The following HMCN2 variants were observed in gnomAD, a reference collection of about 807,000 sequenced individuals.
The protein encoded by HMCN2 is hemicentin 2, also known as hemicentin-2.
HMCN2 carries 325 observed loss-of-function variants against 377.5 expected under a neutral mutation model. The ratio of observed to expected loss-of-function variants is 0.86; its 90% confidence interval spans 0.79 to 0.94. HMCN2 has a LOEUF of 0.94. HMCN2 is among the 40% of genes least tolerant of loss of function. The pLI, the probability that HMCN2 is intolerant of heterozygous loss-of-function variation, is 0.00. For missense variants in HMCN2, 4,543 were observed against 4,725.3 expected (o/e 0.96, Z 1.13); for synonymous variants, 2,007 against 2,046.8 (o/e 0.98, Z 0.53).
chr9:130,410,719 G>A, intron 85 of HMCN2, 67 bp downstream of exon 85: 1 of 1,340,304 alleles, frequency 7.5e-7, no homozygotes, highest in Non-Finnish European at 1.0e-6. Context: ...GGCGTGTGCA[G>A]CCTAGAGGGC....
rs773284541 is a variant in HMCN2 at position 130,429,565 on chromosome 9, G to A, written c.14206G>A (p.Glu4736Lys). The change falls in exon 94 of 98, where the codon GAA becomes AAA. Residue 4736 changes from glutamate to lysine, a missense_variant. By Grantham distance (56) the Glu-to-Lys change is moderately conservative. This residue lies in a region of HMCN2 where 1,155 missense variants were observed against 1,157.7 expected (regional missense o/e 1.00). Transcript: ENST00000683500. The part of the protein sequence containing the change: ...ADGAGCEDVD[E>K]CLEGLDDCHY... ...ATGCCCCTGCCTCCCAGATGTGGAC[G>A]AATGCCTGGAGGGGTTGGACGACTG... The A allele has an allele frequency of 9.0e-6, 14 of 1,550,364 alleles. No homozygotes were observed. Among genetic ancestry groups the A allele is most frequent in the African/African-American group, 8.2e-5 (6 of 73,046 alleles).
At chr9:130,358,604 C>T (rs754290745) in intron 36 of HMCN2, 118 bp downstream of exon 36, 18 of 884,722 alleles carry the variant, frequency 2.0e-5, no homozygotes, top group Non-Finnish European at 2.9e-5. Flanking sequence ...CATAGTTGTG[C>T]ACTTAACTTC....
chr9:130,433,579 C>T lies in HMCN2; in HGVS notation c.15126C>T (p.Tyr5042=). The T allele has an allele frequency of 1.3e-6, 2 of 1,508,158 alleles. No individual in the cohort carries two copies. Among genetic ancestry groups the T allele is most frequent in the East Asian group, 2.7e-5 (1 of 36,472 alleles). The allele number at this position is 1,508,158 out of a possible 1,614,324, so 93.4% of individuals were successfully genotyped here. The change falls in exon 98 of 98, where the codon TAC becomes TAT. Residue 5042 remains tyrosine, a synonymous_variant. Coordinates refer to ENST00000683500, the MANE Select transcript of HMCN2 (RefSeq NM_001291815.2). ...RPLRAGLGAV[Y]TRRALTRAGL... is the part of the protein sequence containing the mutation. Reference sequence around the variant, plus strand: ...TGCGCGCGGGCCTTGGCGCGGTCTACACCCGTCGCGCGCTCACCCGCGCCG... The same window carrying T: ...TGCGCGCGGGCCTTGGCGCGGTCTATACCCGTCGCGCGCTCACCCGCGCCG...
chr9:130,327,926 G>T (rs918742801), intron 22 of HMCN2, among the ~76,000 whole-genome samples: 34 of 152,248 alleles, frequency 2.2e-4, no homozygotes, highest in South Asian at 1.7e-3. Context: ...AGCTGCTCCC[G>T]GTCCGGGATC....
intron 85 of HMCN2, among the ~76,000 whole-genome samples, chr9:130,417,356 T>C (rs1430546393): frequency 6.6e-6 from 1 of 151,380 alleles, no homozygotes; most frequent in Non-Finnish European, 1.5e-5. Context: ...ACCCCGTCTC[T>C]ACCAAAAATA....
intron 4 of HMCN2, 92 bp from the exon 5 acceptor site, chr9:130,294,763 G>T (rs1554931309): frequency 2.9e-6 from 1 of 345,242 alleles, no homozygotes; most frequent in South Asian, 2.2e-5. Context: ...GGCCTTGGGC[G>T]ACCTGGAAAG....
rs978383384 is a variant in HMCN2 at position 130,312,907 on chromosome 9, G to T, written c.2350+2846G>T. On this transcript the variant is annotated intron_variant, in intron 15 of 97. Coordinates refer to ENST00000683500, the MANE Select transcript of HMCN2 (RefSeq NM_001291815.2). ...ACTCCTGACCTCAGGTGATCTACCC[G>T]CCTCGGCCTCCCAAAGTGCTGGGAT... Among the ~76,000 whole-genome samples the T allele has an allele frequency of 3.9e-4, 60 of 151,940 alleles. 1 individual carries two copies. The highest frequency in any genetic ancestry group is 2.1e-4 in the South Asian group (1 of 4,818).
At chr9:130,395,140 C>CTGGCCG (rs1842544718) in intron 70 of HMCN2, 32 bp downstream of exon 70, 8 of 270,928 alleles carry the variant, frequency 3.0e-5, no homozygotes, top group Non-Finnish European at 4.4e-5. Flanking sequence ...GGGGCAGGGC[C>CTGGCCG]GGGAGGCAGG....
intron 71 of HMCN2, 69 bp from the exon 72 acceptor site, chr9:130,395,855 T>G: frequency 4.9e-6 from 6 of 1,231,710 alleles, no homozygotes; most frequent in Non-Finnish European, 6.3e-6. Flanking sequence ...GTCTTCCACA[T>G]CTGCTGCCGG....
chr9:130,384,556 G>T lies in HMCN2; in HGVS notation c.8992+22G>T, dbSNP rs1430042638. The stretch of plus-strand genomic sequence containing the variant: ...CCTGGTGGGTAAACTGAGGTGTCCG[G>T]CCCAGCTCTAAGGTTACATGGGGAG... On this transcript the variant is annotated intron_variant, in intron 58 of 97. Transcript: ENST00000683500. 5 of 1,304,088 alleles carry T rather than the reference G, an allele frequency of 3.8e-6. No individual in the cohort carries two copies. In the Admixed American group the frequency reaches 1.1e-4, roughly 30 times the overall value. The allele number at this position is 1,304,088 out of a possible 1,614,324, so 80.8% of individuals were successfully genotyped here.
chr9:130,266,228 C>A, intron 1 of HMCN2, 91 bp downstream of exon 1: 1 of 370,310 alleles, frequency 2.7e-6, no homozygotes, highest in Admixed American at 3.4e-5. Context: ...CGCACCTGGA[C>A]GTCGTGGGCT....
At chr9:130,379,795 C>T (rs553844665) in intron 54 of HMCN2, among the ~76,000 whole-genome samples, 2 of 152,230 alleles carry the variant, frequency 1.3e-5, no homozygotes, top group African/African-American at 2.4e-5. Flanking sequence ...CAAACGCTGA[C>T]GAAGCTCTAG....
Position 130,428,336 on chromosome 9 carries a change from G to C in HMCN2, c.14066-22G>C. ...GCCTGGGGATCATGTTCACACAGCC[G>C]TCTGCCCTGATCTGCCCCCAGATGT... On this transcript the variant is annotated intron_variant, in intron 92 of 97. Transcript: ENST00000683500. The surrounding 1 kb of genome is among the most constrained non-coding windows in gnomAD (Gnocchi z 5.0). 6.5e-7 allele frequency: 1 copy of C among 1,531,830 alleles called. No individual in the cohort carries two copies. Among genetic ancestry groups the C allele is most frequent in the Non-Finnish European group, 8.8e-7 (1 of 1,137,054 alleles). 94.9% of individuals were successfully genotyped at this position (1,531,830 alleles called of 1,614,324 possible).
At chr9:130,381,269 C>T (rs565247053) in intron 54 of HMCN2, among the ~76,000 whole-genome samples, 7 of 152,312 alleles carry the variant, frequency 4.6e-5, no homozygotes, top group East Asian at 1.9e-4. Context: ...CAGCCCGGGC[C>T]GGCCAGCCCC....
chr9:130,429,829 C>T (rs1386581666), intron 94 of HMCN2, 144 bp downstream of exon 94: 33 of 1,392,262 alleles, frequency 2.4e-5, no homozygotes, highest in African/African-American at 4.4e-5. Context: ...GTGTCTAAGG[C>T]GCCAGTGCTG....
At chr9:130,324,603 G>A (rs1838029401) in intron 19 of HMCN2, among the ~76,000 whole-genome samples, 1 of 151,858 alleles carries the variant, frequency 6.6e-6, no homozygotes, top group Non-Finnish European at 1.5e-5. Context: ...TATTTTAGAT[G>A]GGTTCCCTCT....
chr9:130,394,429 C>T lies in HMCN2; in HGVS notation c.10546C>T (p.Leu3516=), dbSNP rs1157748033. The part of the protein sequence containing the change: ...EDSGQPTELS[L]TPGAPMELLC... ...CTCAGGCCAGCCTACAGAGCTGTCG[C>T]TGACCCCCGGCGCCCCCATGGAGCT... The change falls in exon 69 of 98, where the codon CTG becomes TTG. Residue 3516 remains leucine, a synonymous_variant. Coordinates refer to ENST00000683500, the MANE Select transcript of HMCN2 (RefSeq NM_001291815.2). The surrounding 1 kb of genome is among the most constrained non-coding windows in gnomAD (Gnocchi z 5.1). 2 of 1,289,706 alleles carry T rather than the reference C, an allele frequency of 1.6e-6. No individual in the cohort carries two copies. The highest frequency in any genetic ancestry group is 1.5e-5 in the African/African-American group (1 of 65,998). The allele number at this position is 1,289,706 out of a possible 1,614,324, so 79.9% of individuals were successfully genotyped here.
chr9:130,343,167 C>CA (rs1455441460), intron 25 of HMCN2, among the ~76,000 whole-genome samples: 1 of 152,208 alleles, frequency 6.6e-6, no homozygotes, highest in African/African-American at 2.4e-5. Flanking sequence ...CCCACGGCCC[C>CA]ACCCAGAAGA....
At position 130,351,705 on chromosome 9, in the gene HMCN2, G is replaced by C; in HGVS notation, c.4585+128G>C. 8 of 653,748 alleles carry C rather than the reference G, an allele frequency of 1.2e-5. No homozygotes were observed. The highest frequency in any genetic ancestry group is 1.5e-5 in the Non-Finnish European group (7 of 457,604). The allele number at this position is 653,748 out of a possible 1,614,324, so 40.5% of individuals were successfully genotyped here. A position where few individuals can be genotyped will look rare whatever the true frequency, so the allele number is the denominator to read the frequency against. Reference sequence around the variant, plus strand: ...CCTGGTGAGTGATCCCTGAGTCCAAGAAAGCTGGGGGCTGGGGTCGGGGTT... The same window carrying C: ...CCTGGTGAGTGATCCCTGAGTCCAACAAAGCTGGGGGCTGGGGTCGGGGTT... On this transcript the variant is annotated intron_variant, in intron 30 of 97. Transcript: ENST00000683500. The surrounding 1 kb of genome is among the most constrained non-coding windows in gnomAD (Gnocchi z 5.4).
Sources: gnomAD v4.1 joint callset for allele counts (sites outside exome capture counted in the v4.1 genomes callset) on GRCh38, gnomAD v4.1.1 for gene constraint, gnomAD v4.1.1 regional missense constraint, Gnocchi (gnomAD v3.1) non-coding constraint, MANE v1.5 for transcripts, NCBI Gene and HGNC (gene_info 2026-07-23, HGNC 2026-07-21) for gene names.